Variants in LARGE1 observed in about 807,000 individuals in gnomAD.
LARGE1 encodes the protein xylosyl- and glucuronyltransferase LARGE1.
LARGE1 carries 43 observed loss-of-function variants against 87.6 expected under a neutral mutation model. That is an observed-to-expected ratio of 0.49 (90% CI 0.38 to 0.63). The LOEUF (loss-of-function observed/expected upper bound fraction) is 0.63. LARGE1 is among the 30% of genes least tolerant of loss of function. The probability of loss-of-function intolerance (pLI) is 0.00; values close to 1 mark genes in which losing one functional copy is unlikely to be tolerated. For synonymous variants in LARGE1, 434 were observed against 394.6 expected (o/e 1.10, Z -1.18); for missense variants, 802 against 1,000.2 (o/e 0.80, Z 2.67).
the LARGE1 span, among the ~76,000 whole-genome samples, chr22:33,151,110 C>T: frequency 1.3e-5 from 2 of 152,100 alleles, no homozygotes; most frequent in Non-Finnish European, 2.9e-5. Context: ...TATTTTGGTC[C>T]TCTTTGATTT....
rs1301882994 is a variant in LARGE1, at chr22:33,208,179, G to GAACACCT, written c.1731-41348_1731-41347insAGGTGTT. Among the ~76,000 whole-genome samples, 26 of 151,794 alleles carry GAACACCT rather than the reference G, an allele frequency of 1.7e-4. 1 individual carries two copies. The East Asian group carries it at 5.0e-3, about 29-fold the overall frequency. On this transcript the variant is annotated intron_variant, in intron 11 of 11. Transcript: ENST00000608642. ...TCTTATTATACCTGTTTAGATGCAG[G>GAACACCT]TGTTCTAGAAAAGAGAGGAATTAGG...
intron 5 of LARGE1, among the ~76,000 whole-genome samples, chr22:33,595,229 T>C (rs2078946301): frequency 6.6e-6 from 1 of 152,110 alleles, no homozygotes; most frequent in Non-Finnish European, 1.5e-5. Flanking sequence ...GATGTTTTGA[T>C]ACAGATAAAG....
intron 1 of LARGE1, among the ~76,000 whole-genome samples, chr22:33,772,225 C>A (rs920348259): frequency 1.3e-5 from 2 of 151,798 alleles, no homozygotes; most frequent in Non-Finnish European, 2.9e-5. Context: ...CCCAGCTACT[C>A]GGGAAGCTGA....
At chr22:33,783,869 T>C (rs1342394329) in intron 1 of LARGE1, among the ~76,000 whole-genome samples, 3 of 152,094 alleles carry the variant, frequency 2.0e-5, no homozygotes, top group Non-Finnish European at 2.9e-5. Context: ...GTAGTGGAAG[T>C]AGTGGGCGGT....
chr22:33,372,891 A>T (rs9621687), intron 9 of LARGE1, among the ~76,000 whole-genome samples: 1 of 152,142 alleles, frequency 6.6e-6, no homozygotes, highest in Non-Finnish European at 1.5e-5. Flanking sequence ...ACAGGAATCC[A>T]TAAGTAGGAG....
At chr22:33,640,070 T>C (rs139791496) in intron 3 of LARGE1, among the ~76,000 whole-genome samples, 8 of 152,334 alleles carry the variant, frequency 5.3e-5, no homozygotes, top group African/African-American at 1.9e-4. Flanking sequence ...CATCTCTGGT[T>C]ACGTGGCCCT....
chr22:33,604,580 A>G, intron 4 of LARGE1, 22 bp from the exon 5 acceptor site: 1 of 1,613,956 alleles, frequency 6.2e-7, no homozygotes, highest in Non-Finnish European at 8.5e-7. Flanking sequence ...GTGAGAAGGA[A>G]GGGTCAGGTG....
intron 1 of LARGE1, among the ~76,000 whole-genome samples, chr22:33,816,674 G>GGATAGATAGATAGATGGATAGATA: frequency 7.1e-6 from 1 of 141,436 alleles, no homozygotes; most frequent in Middle Eastern, 3.6e-3. Flanking sequence ...ACGGATGGAT[G>GGATAGATAGATAGATGGATAGATA]GATAGATAGA....
At chr22:33,832,264 CCT>C (rs2062992992) in intron 1 of LARGE1, among the ~76,000 whole-genome samples, 1 of 152,188 alleles carries the variant, frequency 6.6e-6, no homozygotes, top group South Asian at 2.1e-4. Flanking sequence ...CAGCCATCTT[CCT>C]CTCTCATGTA....
intron 2 of LARGE1, among the ~76,000 whole-genome samples, chr22:33,663,356 G>T (rs1451985965): frequency 6.6e-6 from 1 of 152,164 alleles, no homozygotes; most frequent in Non-Finnish European, 1.5e-5. Context: ...ACACCGGAGA[G>T]TTTTTATAAG....
At chr22:33,339,112 C>T (rs991373175) in intron 9 of LARGE1, among the ~76,000 whole-genome samples, 8 of 147,836 alleles carry the variant, frequency 5.4e-5, no homozygotes, top group Admixed American at 2.0e-4. Flanking sequence ...TGCACCACTG[C>T]ACTCCAGCCT....
At chr22:33,119,233 G>A in the LARGE1 span, among the ~76,000 whole-genome samples, 1 of 152,338 alleles carries the variant, frequency 6.6e-6, no homozygotes, top group African/African-American at 2.4e-5. Flanking sequence ...CACCTTAGCT[G>A]TGAAGGAAGG....
intron 4 of LARGE1, among the ~76,000 whole-genome samples, chr22:33,617,788 C>T (rs2079624100): frequency 6.6e-6 from 1 of 152,196 alleles, no homozygotes; most frequent in Non-Finnish European, 1.5e-5. Flanking sequence ...GCTTCCTCTC[C>T]AGCAGAGCCT....
At chr22:33,230,524 C>T (rs1289056706) in intron 11 of LARGE1, among the ~76,000 whole-genome samples, 1 of 152,084 alleles carries the variant, frequency 6.6e-6, no homozygotes, top group Non-Finnish European at 1.5e-5. Context: ...ATAAAGAAAA[C>T]AAACATGTCT....
intron 2 of LARGE1, among the ~76,000 whole-genome samples, chr22:33,669,782 ACTTAATATATTTCC>A (rs1179302947): frequency 2.0e-5 from 3 of 152,248 alleles, no homozygotes; most frequent in Non-Finnish European, 4.4e-5. Flanking sequence ...CCATCAGGCA[ACTTAATATATTTCC>A]CTCTAAAGGA....
intron 7 of LARGE1, among the ~76,000 whole-genome samples, chr22:33,423,936 A>G (rs987892870): frequency 6.6e-6 from 1 of 152,232 alleles, no homozygotes; most frequent in Non-Finnish European, 1.5e-5. Context: ...TAGACTCAAT[A>G]AGGCTACTAC....
chr22:33,646,597 TA>T (rs66869856), intron 3 of LARGE1, among the ~76,000 whole-genome samples: 72,027 of 149,182 alleles, frequency 0.48, 19,834 homozygotes, highest in Middle Eastern at 0.66. Flanking sequence ...ATTTAAAGTT[TA>T]AAAAAAAAAA....
At chr22:33,538,193 C>A (rs947595681) in intron 6 of LARGE1, among the ~76,000 whole-genome samples, 2 of 152,226 alleles carry the variant, frequency 1.3e-5, no homozygotes, top group Non-Finnish European at 1.5e-5. Flanking sequence ...AAGCCCAGCT[C>A]TAGTGCTTCC....
At chr22:33,540,875 A>G (rs1337219258) in intron 6 of LARGE1, among the ~76,000 whole-genome samples, 2 of 151,924 alleles carry the variant, frequency 1.3e-5, no homozygotes, top group Non-Finnish European at 2.9e-5. Context: ...GGCTCACACC[A>G]GTAATCCCAG....
Sources: allele counts gnomAD v4.1 joint callset (sites outside exome capture counted in the v4.1 genomes callset), GRCh38; gene constraint gnomAD v4.1.1; transcripts MANE v1.5; gene names NCBI Gene and HGNC (gene_info 2026-07-23, HGNC 2026-07-21).